The following TBCK variants were observed in gnomAD, a reference collection of about 807,000 sequenced individuals.
TBCK encodes the protein TBC domain-containing protein kinase-like protein.
TBCK carries 99 observed loss-of-function variants against 113.4 expected under a neutral mutation model. The ratio of observed to expected loss-of-function variants is 0.87; its 90% CI spans 0.74 to 1.03. The LOEUF is 1.03. Among genes scored for constraint, TBCK ranks in the 50% least tolerant of loss-of-function variants. The pLI is 0.00. For synonymous variants in TBCK, 369 were observed against 370.8 expected (o/e 1.00, Z 0.05); for missense variants, 1,045 against 1,061.3 (o/e 0.98, Z 0.21).
intron 25 of TBCK, among the ~76,000 whole-genome samples, chr4:106,081,185 A>G (rs1738827925): frequency 6.6e-6 from 1 of 152,236 alleles, no homozygotes; most frequent in Non-Finnish European, 1.5e-5. Flanking sequence ...TACTTGGTAT[A>G]TGCCCAAAGG....
chr4:106,280,384 T>C (rs1383424885), intron 3 of TBCK, among the ~76,000 whole-genome samples: 1 of 152,178 alleles, frequency 6.6e-6, no homozygotes, highest in Non-Finnish European at 1.5e-5. Context: ...GAGTGTCTCT[T>C]CACTTTTTAA....
At chr4:106,181,225 T>C (rs1449681082) in intron 22 of TBCK, among the ~76,000 whole-genome samples, 1 of 152,216 alleles carries the variant, frequency 6.6e-6, no homozygotes, top group Admixed American at 6.5e-5. Flanking sequence ...CTTGGCTTTT[T>C]TCTTGTAAAT....
intron 23 of TBCK, among the ~76,000 whole-genome samples, chr4:106,150,391 T>C (rs1024489787): frequency 2.6e-5 from 4 of 152,158 alleles, no homozygotes; most frequent in Non-Finnish European, 5.9e-5. Context: ...TATGCACATG[T>C]TGTTAAGCAA....
intron 22 of TBCK, among the ~76,000 whole-genome samples, chr4:106,185,807 G>A (rs914222227): frequency 6.6e-6 from 1 of 152,020 alleles, no homozygotes; most frequent in African/African-American, 2.4e-5. Flanking sequence ...CAGAGGTTTG[G>A]TGTATAGATT....
chr4:106,070,777 C>A (rs997000029), intron 25 of TBCK, among the ~76,000 whole-genome samples: 7 of 151,982 alleles, frequency 4.6e-5, no homozygotes, highest in African/African-American at 1.2e-4. Flanking sequence ...TGGTCCTCGA[C>A]TTTTTTTGGT....
intron 20 of TBCK, among the ~76,000 whole-genome samples, chr4:106,211,437 C>A (rs1450874875): frequency 1.3e-5 from 2 of 151,930 alleles, no homozygotes; most frequent in Non-Finnish European, 2.9e-5. Flanking sequence ...ATAAAATCAT[C>A]TTATTAAATG....
chr4:106,215,862 G>A lies in TBCK; in HGVS notation c.1775-3027C>T, dbSNP rs536745711. On this transcript the variant is annotated intron_variant, in intron 19 of 25. Coordinates refer to ENST00000394708, the MANE Select transcript of TBCK (RefSeq NM_001163435.3). ...AATTGAACTCAGCTCTGCACCAAGC[G>A]GACCCAATAGACATCTACAGAACTC... Among the ~76,000 whole-genome samples, 324 of 151,488 alleles carry A rather than the reference G, an allele frequency of 2.1e-3. 1 individual carries two copies. The highest frequency in any genetic ancestry group is 6.6e-3 in the African/African-American group (271 of 41,218).
Position 106,225,575 on chromosome 4 carries a change from T to A in TBCK, c.1774+4788A>T, listed in dbSNP as rs1579311474. On this transcript the variant is annotated intron_variant, in intron 19 of 25. Coordinates refer to ENST00000394708, the MANE Select transcript of TBCK (RefSeq NM_001163435.3). ...CCCAGGTTCAAGTGATTCTCCTGCC[T>A]CAGCCTCCCAAGTAGCTGGGATTAC... is the stretch of plus-strand genomic sequence containing the variant. Among the ~76,000 whole-genome samples, 3 of 152,248 alleles carry A rather than the reference T, an allele frequency of 2.0e-5. No homozygotes were observed. The South Asian group carries it at 6.2e-4, about 32-fold the overall frequency.
chr4:106,285,336 C>T (rs1398598687), intron 3 of TBCK, among the ~76,000 whole-genome samples: 2 of 151,992 alleles, frequency 1.3e-5, no homozygotes, highest in African/African-American at 2.4e-5. Flanking sequence ...GCCGTTAATA[C>T]TAAGAGAGAA....
At chr4:106,241,566 T>C (rs1760141854) in intron 12 of TBCK, among the ~76,000 whole-genome samples, 1 of 151,812 alleles carries the variant, frequency 6.6e-6, no homozygotes, top group Non-Finnish European at 1.5e-5. Context: ...AATCAGAATA[T>C]CAAGGCCCAG....
intron 23 of TBCK, among the ~76,000 whole-genome samples, chr4:106,121,846 A>T (rs1367854081): frequency 6.6e-6 from 1 of 152,136 alleles, no homozygotes; most frequent in Non-Finnish European, 1.5e-5. Flanking sequence ...GACACAACAT[A>T]CCAGAATCTC....
At chr4:106,177,841 T>C (rs1339761803) in intron 22 of TBCK, among the ~76,000 whole-genome samples, 1 of 151,992 alleles carries the variant, frequency 6.6e-6, no homozygotes, top group Non-Finnish European at 1.5e-5. Context: ...AATTTTAGGA[T>C]TATTTTTTCG....
intron 3 of TBCK, among the ~76,000 whole-genome samples, chr4:106,267,168 G>A (rs942381195): frequency 6.6e-6 from 1 of 151,834 alleles, no homozygotes; most frequent in African/African-American, 2.4e-5. Flanking sequence ...AGTAATTATT[G>A]TTACTTCAGG....
intron 25 of TBCK, among the ~76,000 whole-genome samples, chr4:106,080,281 A>G (rs562482719): frequency 1.2e-4 from 19 of 152,330 alleles, no homozygotes; most frequent in African/African-American, 4.3e-4. Flanking sequence ...AAATTATACT[A>G]CAAGGCTATA....
chr4:106,104,233 T>C (rs1741880743), intron 24 of TBCK, among the ~76,000 whole-genome samples: 1 of 152,176 alleles, frequency 6.6e-6, no homozygotes, highest in African/African-American at 2.4e-5. Context: ...CAACAACCCA[T>C]AGGCCCCACT....
At chr4:106,169,636 A>G (rs558390439) in intron 23 of TBCK, among the ~76,000 whole-genome samples, 3 of 152,202 alleles carry the variant, frequency 2.0e-5, no homozygotes, top group African/African-American at 7.2e-5. Flanking sequence ...CAATTTTTCC[A>G]TGGACCCAGG....
chr4:106,076,849 T>A (rs1738251940), intron 25 of TBCK, among the ~76,000 whole-genome samples: 1 of 152,148 alleles, frequency 6.6e-6, no homozygotes, highest in Non-Finnish European at 1.5e-5. Flanking sequence ...ATGCTTATAA[T>A]CCTAGCATTT....
At chr4:106,068,658 A>C (rs1413637209) in intron 25 of TBCK, among the ~76,000 whole-genome samples, 1 of 152,200 alleles carries the variant, frequency 6.6e-6, no homozygotes, top group Non-Finnish European at 1.5e-5. Flanking sequence ...CTTTGGCTAT[A>C]TACCCAGTAA....
At chr4:106,198,183 C>T (rs562487349) in intron 20 of TBCK, among the ~76,000 whole-genome samples, 5 of 152,214 alleles carry the variant, frequency 3.3e-5, no homozygotes, top group Admixed American at 1.3e-4. Flanking sequence ...TACTGGATAG[C>T]GTGCCTTGGT....
Sources: allele counts gnomAD v4.1 joint callset (sites outside exome capture counted in the v4.1 genomes callset), GRCh38; gene constraint gnomAD v4.1.1; transcripts MANE v1.5; gene names NCBI Gene and HGNC (gene_info 2026-07-23, HGNC 2026-07-21).